KLHL14: variants seen among roughly 807,000 people sequenced by gnomAD.
KLHL14 encodes the protein kelch like family member 14, also known as kelch-like protein 14.
A neutral mutation model predicts 64.3 loss-of-function variants in KLHL14; 22 were observed. The observed-to-expected ratio is 0.34, with a 90% CI of 0.24 to 0.49. The LOEUF (loss-of-function observed/expected upper bound fraction) is 0.49, where lower values mean the gene tolerates loss of function less well. Ranked by LOEUF, KLHL14 falls within the 20% of genes least tolerant of loss-of-function variation. KLHL14 has a pLI of 0.99. For synonymous variants in KLHL14, 322 were observed against 333.4 expected, an observed-to-expected ratio of 0.97 and a Z score of 0.37; for missense variants, 661 against 789.0, an observed-to-expected ratio of 0.84 and a Z score of 1.94.
intron 2 of KLHL14, among the ~76,000 whole-genome samples, chr18:32,749,891 A>T (rs553542125): frequency 6.6e-6 from 1 of 152,272 alleles, no homozygotes; most frequent in Non-Finnish European, 1.5e-5. Context: ...GATAACAAAA[A>T]TACCATAGAC....
intron 2 of KLHL14, among the ~76,000 whole-genome samples, chr18:32,760,769 T>C (rs2050310255): frequency 6.6e-6 from 1 of 152,152 alleles, no homozygotes; most frequent in Non-Finnish European, 1.5e-5. Flanking sequence ...GAAGAGGAAC[T>C]CTCTTCTATG....
intron 3 of KLHL14, among the ~76,000 whole-genome samples, chr18:32,709,528 G>A (rs1269982888): frequency 6.6e-6 from 1 of 151,992 alleles, no homozygotes; most frequent in African/African-American, 2.4e-5. Context: ...TCTCACAGCA[G>A]CCTCCAACTC....
chr18:32,700,264 G>A (rs554609348), intron 3 of KLHL14, among the ~76,000 whole-genome samples: 2 of 152,220 alleles, frequency 1.3e-5, no homozygotes, highest in African/African-American at 4.8e-5. Context: ...TGTGACATTT[G>A]TGAAGGCCTT....
intron 3 of KLHL14, among the ~76,000 whole-genome samples, chr18:32,730,664 T>C (rs982952714): frequency 1.3e-5 from 2 of 152,188 alleles, no homozygotes; most frequent in East Asian, 3.8e-4. Context: ...TAGTGTGAAG[T>C]CACGCTCTGA....
At chr18:32,721,237 A>G (rs1013929109) in intron 3 of KLHL14, among the ~76,000 whole-genome samples, 1 of 152,184 alleles carries the variant, frequency 6.6e-6, no homozygotes, top group African/African-American at 2.4e-5. Context: ...CAAAACCCAC[A>G]TTTGACATCC....
intron 4 of KLHL14, among the ~76,000 whole-genome samples, chr18:32,693,405 C>CAGAGAGAG (rs1167660313): frequency 7.4e-5 from 9 of 120,920 alleles, no homozygotes; most frequent in African/African-American, 2.9e-4. Flanking sequence ...CACACACACA[C>CAGAGAGAG]ACACACACAG....
At chr18:32,748,408 C>T (rs1313983894) in intron 2 of KLHL14, among the ~76,000 whole-genome samples, 1 of 151,062 alleles carries the variant, frequency 6.6e-6, no homozygotes, top group Non-Finnish European at 1.5e-5. Flanking sequence ...ATCGCTCTGT[C>T]ACCGAGGCTG....
intron 5 of KLHL14, among the ~76,000 whole-genome samples, chr18:32,684,506 T>C (rs2144471502): frequency 6.6e-6 from 1 of 152,202 alleles, no homozygotes; most frequent in South Asian, 2.1e-4. Context: ...CAGGCAACAG[T>C]CTATAACTTA....
At chr18:32,738,261 A>C (rs1394230942) in intron 3 of KLHL14, 1 of 152,150 alleles carries the variant, frequency 6.6e-6, no homozygotes, top group East Asian at 1.9e-4. Context: ...TAACCCCAGC[A>C]AGTGTTCTGT....
At chr18:32,748,567 C>T (rs991906818) in intron 2 of KLHL14, among the ~76,000 whole-genome samples, 1 of 151,786 alleles carries the variant, frequency 6.6e-6, no homozygotes, top group Non-Finnish European at 1.5e-5. Flanking sequence ...GACTGGGTTT[C>T]ACCGTCTCCA....
chr18:32,746,391 G>A (rs568767053), intron 2 of KLHL14, among the ~76,000 whole-genome samples: 48 of 152,204 alleles, frequency 3.2e-4, no homozygotes, highest in Non-Finnish European at 6.9e-4. Flanking sequence ...GTGCGCGCCT[G>A]TATGCGTGAG....
chr18:32,703,881 C>T (rs2049977672), intron 3 of KLHL14, among the ~76,000 whole-genome samples: 1 of 152,012 alleles, frequency 6.6e-6, no homozygotes, highest in Admixed American at 6.6e-5. Context: ...ATGAAAGCTG[C>T]CATCTCTTTC....
intron 2 of KLHL14, among the ~76,000 whole-genome samples, chr18:32,754,297 G>A (rs1375514455): frequency 6.6e-6 from 1 of 152,152 alleles, no homozygotes; most frequent in Non-Finnish European, 1.5e-5. Context: ...TCATTACTGA[G>A]ACTTCGTCCT....
At position 32,731,986 on chromosome 18, in the gene KLHL14, C is replaced by T. The variant is rs190538207; in HGVS notation, c.1069+9942G>A. On this transcript the variant is annotated intron_variant, in intron 3 of 8. Coordinates refer to ENST00000359358, the MANE Select transcript of KLHL14 (RefSeq NM_020805.3). ...CTGTAATCCCAGCACTTTGGGAGGC[C>T]GAGGCGGGTGGATCACCTGAGGTCA... Among the ~76,000 whole-genome samples the T allele has an allele frequency of 2.2e-4, 33 of 152,046 alleles. 1 individual carries two copies. In the East Asian group the frequency reaches 5.2e-3, roughly 24 times the overall value.
rs570232151 is a variant in KLHL14, at chr18:32,724,362, G to A, written c.1069+17566C>T. Among the ~76,000 whole-genome samples the A allele has an allele frequency of 7.2e-5, 11 of 152,304 alleles. No individual in the cohort carries two copies. The South Asian group carries it at 1.0e-3, about 14-fold the overall frequency. ...ATTACACAGGGATATTACCCAGAGTGGTGATGAGGATAACATTTATCCAAT... is the reference window on the plus strand; with the variant it reads ...ATTACACAGGGATATTACCCAGAGTAGTGATGAGGATAACATTTATCCAAT... On this transcript the variant is annotated intron_variant, in intron 3 of 8. Transcript: ENST00000359358.
intron 3 of KLHL14, chr18:32,738,783 C>A (rs185955180): frequency 9.5e-4 from 145 of 152,242 alleles, no homozygotes; most frequent in Middle Eastern, 3.4e-3. Context: ...GTTATATAGA[C>A]CCACTTTTTC....
chr18:32,742,070 G>A (rs2050202025), intron 2 of KLHL14, 21 bp from the exon 3 acceptor site: 1 of 1,610,504 alleles, frequency 6.2e-7, no homozygotes, highest in African/African-American at 1.3e-5. Context: ...AACAAAAGAG[G>A]AGATGAATAA....
chr18:32,767,917 C>A (rs1249309979), intron 2 of KLHL14, among the ~76,000 whole-genome samples: 2 of 152,172 alleles, frequency 1.3e-5, no homozygotes, highest in Admixed American at 1.3e-4. Flanking sequence ...ATGTTCAGAA[C>A]TATAACTGTG....
intron 2 of KLHL14, chr18:32,743,123 C>T (rs1401423259): frequency 6.6e-6 from 1 of 152,178 alleles, no homozygotes; most frequent in South Asian, 2.1e-4. Context: ...ATTTAACAGT[C>T]GCTTTACATG....
Sources: allele counts gnomAD v4.1 joint callset (sites outside exome capture counted in the v4.1 genomes callset), GRCh38; gene constraint gnomAD v4.1.1; transcripts MANE v1.5; gene names NCBI Gene and HGNC (gene_info 2026-07-23, HGNC 2026-07-21).